ZFP57: variants seen among roughly 807,000 people sequenced by gnomAD.
ZFP57 encodes the protein zinc finger protein 57 homolog.
A neutral mutation model predicts 15.8 loss-of-function variants in ZFP57; 12 were observed. That is an observed-to-expected ratio of 0.76 (90% CI 0.49 to 1.23). The LOEUF (loss-of-function observed/expected upper bound fraction) is 1.23, where lower values mean the gene tolerates loss of function less well. Among genes scored for constraint, ZFP57 ranks in the 50% most tolerant of loss-of-function variants. The pLI is 0.00. For synonymous variants in ZFP57, 203 were observed against 242.3 expected, an observed-to-expected ratio of 0.84 and a Z score of 1.51; for missense variants, 536 against 654.9, an observed-to-expected ratio of 0.82 and a Z score of 1.98.
At position 29,672,696 on chromosome 6, in the gene ZFP57, T is replaced by C; in HGVS notation, c.1415A>G (p.His472Arg). ...GCCCAGGATCACCCGGCATTTATGG[T>C]GGCTGCTCTGGCACAGGTCCTTGCC... ...YKGKDLCQSS[H>R]HKCRVILGQW... The change falls in exon 5 of 5, where the codon CAC (histidine) becomes CGC (arginine). Residue 472 changes from histidine (H) to arginine (R), a missense_variant. Physicochemically the swap from His to Arg is conservative, Grantham distance 29 (BLOSUM62 0). Transcript: ENST00000376883. 1.2e-6 allele frequency: 2 copies of C among 1,612,740 alleles called. No homozygotes were observed. Among genetic ancestry groups the C allele is most frequent in the Non-Finnish European group, 1.7e-6 (2 of 1,179,794 alleles).
chr6:29,675,701 T>G (rs1215629635), intron 3 of ZFP57, among the ~76,000 whole-genome samples: 1 of 152,164 alleles, frequency 6.6e-6, no homozygotes, highest in Non-Finnish European at 1.5e-5. Flanking sequence ...ATGGAAAAAT[T>G]TGCATATTTT....
rs373052417 is a variant in ZFP57, at chr6:29,675,465, T to C, written c.273A>G (p.Pro91=). 1.2e-6 allele frequency: 2 copies of C among 1,614,046 alleles called. No individual in the cohort carries two copies. Among genetic ancestry groups the C allele is most frequent in the African/African-American group, 1.3e-5 (1 of 74,918 alleles). ...CTTGCTCAAGCTTGGTGATTAGCTC[T>C]GGCTTATGCAGAAAGATTCTGGCTG... ...TSVARIFLHK[P]ELITKLEQEE... Residue 91 remains proline (P), a synonymous_variant, in exon 4 of 5, where the codon CCA becomes CCG. Coordinates refer to ENST00000376883, the MANE Select transcript of ZFP57 (RefSeq NM_001109809.5).
chr6:29,678,565 G>A (rs1772184617), intron 1 of ZFP57, among the ~76,000 whole-genome samples: 1 of 151,940 alleles, frequency 6.6e-6, no homozygotes, highest in African/African-American at 2.4e-5. Context: ...CATATGCTGA[G>A]GTTGCTAAGA....
intron 3 of ZFP57, 134 bp downstream of exon 3, chr6:29,675,799 G>A (rs1772036265): frequency 8.8e-7 from 1 of 1,142,644 alleles, no homozygotes; most frequent in Non-Finnish European, 1.3e-6. Context: ...TAGTGACTCA[G>A]ATCTTTCACA....
Position 29,673,661 on chromosome 6 carries a change from C to A in ZFP57, c.450G>T (p.Gln150His). 1 of 1,612,848 alleles carries A rather than the reference C, an allele frequency of 6.2e-7. No homozygotes were observed. Among genetic ancestry groups the A allele is most frequent in the Non-Finnish European group, 8.5e-7 (1 of 1,179,892 alleles). The stretch of plus-strand genomic sequence containing the variant: ...TCCCAGCTGGGGCAGATAGGGGGCA[C>A]TGGCCGGCCCCTCTGCATGCAAGGA... ...KVFLACRGAG[Q>H]CPLSAPAGTM... The change falls in exon 5 of 5, where the codon CAG becomes CAT. Residue 150 changes from glutamine to histidine, a missense_variant. Transcript: ENST00000376883. This position sits in a 1 kb window ranked among gnomAD's most constrained non-coding sequence, Gnocchi z 4.7.
In ZFP57 at chr6:29,676,535, C is replaced by CAAAAAAAAAAAAAAAGA. The variant is rs376004982; in HGVS notation, c.123+345_123+346insTCTTTTTTTTTTTTTTT. On this transcript the variant is annotated intron_variant, in intron 2 of 4. Coordinates refer to ENST00000376883, the MANE Select transcript of ZFP57 (RefSeq NM_001109809.5). ...TGGGTGACAGAGCGAGACTCCGTCTCAAAAAAAAAAAAAAGAAAAAAAAAA... is the reference window on the plus strand; with the variant it reads ...TGGGTGACAGAGCGAGACTCCGTCTCAAAAAAAAAAAAAAAGAAAAAAAAAAAAAAAGAAAAAAAAAA... 5.6e-4 allele frequency among the ~76,000 whole-genome samples: 35 copies of CAAAAAAAAAAAAAAAGA among 62,548 alleles called. 1 individual carries two copies. Among genetic ancestry groups the CAAAAAAAAAAAAAAAGA allele is most frequent in the Non-Finnish European group, 9.2e-4 (29 of 31,430 alleles). The allele number at this position is 62,548 out of a possible 152,430, so 41.0% of individuals were successfully genotyped here.
chr6:29,677,755 A>G (rs116211033), intron 1 of ZFP57, among the ~76,000 whole-genome samples: 7,554 of 137,208 alleles, frequency 0.055, 326 homozygotes, highest in East Asian at 0.17. Context: ...GATCTCTTCC[A>G]TGACCAAAAT....
chr6:29,672,858 C>G lies in ZFP57; in HGVS notation c.1253G>C (p.Ser418Thr). The part of the protein sequence containing the change: ...TEPPNYCFHC[S>T]KSFSSFSRLV... ...CCTGGAAAATGAGCTGAAAGACTTG[C>G]TGCAATGGAAGCAGTAGTTGGGCGG... Residue 418 changes from serine (S) to threonine (T), a missense_variant, in exon 5 of 5, where the codon AGC becomes ACC. Transcript: ENST00000376883. The G allele has an allele frequency of 6.2e-7, 1 of 1,613,054 alleles. No individual in the cohort carries two copies.
At chr6:29,676,550 G>C (rs9257947) in intron 2 of ZFP57, among the ~76,000 whole-genome samples, 1 of 119,646 alleles carries the variant, frequency 8.4e-6, no homozygotes, top group Non-Finnish European at 1.7e-5. Flanking sequence ...AAAAAAAAAA[G>C]AAAAAAAAAA....
At position 29,672,828 on chromosome 6, in the gene ZFP57, A is replaced by G. The variant is rs1415060975; in HGVS notation, c.1283T>C (p.Val428Ala). The G allele has an allele frequency of 1.7e-5, 27 of 1,612,942 alleles. No homozygotes were observed. Among genetic ancestry groups the G allele is most frequent in the Non-Finnish European group, 2.3e-5 (27 of 1,180,038 alleles). ...CTTCCAGTGGGTCTGCTGGTGTCTGACCAGCCTGGAAAATGAGCTGAAAGA... is the reference window on the plus strand; with the variant it reads ...CTTCCAGTGGGTCTGCTGGTGTCTGGCCAGCCTGGAAAATGAGCTGAAAGA... ...SKSFSSFSRL[V>A]RHQQTHWKQK... is the part of the protein sequence containing the mutation. Residue 428 changes from valine to alanine, a missense_variant, in exon 5 of 5, where the codon GTC (valine) becomes GCC (alanine). By Grantham distance (64) the Val-to-Ala change is moderately conservative. Transcript: ENST00000376883.
In ZFP57 at chr6:29,675,419, A is replaced by G. The variant is rs777872562; in HGVS notation, c.319T>C (p.Phe107Leu). 6.2e-7 allele frequency: 1 copy of G among 1,613,776 alleles called. No homozygotes were observed. Among genetic ancestry groups the G allele is most frequent in the African/African-American group, 1.3e-5 (1 of 74,894 alleles). ...LEQEEEQWREFVHLPNTEGLS... is the reference protein window; with the variant it reads ...LEQEEEQWRELVHLPNTEGLS... ...CCTTCTGTGTTTGGGAGATGGACAA[A>G]CTCTCTCCACTGTTCCTCTTCTTGC... The change falls in exon 4 of 5, where the codon TTT becomes CTT. Residue 107 changes from phenylalanine to leucine, a missense_variant. Transcript: ENST00000376883.
At chr6:29,676,499 G>A (rs561752911) in intron 2 of ZFP57, among the ~76,000 whole-genome samples, 3 of 133,304 alleles carry the variant, frequency 2.3e-5, no homozygotes, top group Non-Finnish European at 3.0e-5. Context: ...TCGCGCCACC[G>A]CACTCCAGCC....
rs11357168 is a variant in ZFP57 at position 29,675,151 on chromosome 6, C to CA, written c.352+234dup. ...CTGGCAACAGAGCGAGACTGTGTCT[C>CA]AAAAAAAAAAAAAAAAAAAAAAAGA... On this transcript the variant is annotated intron_variant, in intron 4 of 4. Transcript: ENST00000376883. 0.17 allele frequency among the ~76,000 whole-genome samples: 14,031 copies of CA among 81,926 alleles called. 1,458 individuals are homozygous for CA. Among genetic ancestry groups the CA allele is most frequent in the East Asian group, 0.24 (561 of 2,372 alleles). The allele number at this position is 81,926 out of a possible 152,430, so 53.7% of individuals were successfully genotyped here. A position where few individuals can be genotyped will look rare whatever the true frequency, so the allele number is the denominator to read the frequency against.
intron 2 of ZFP57, 137 bp from the exon 3 acceptor site, chr6:29,676,196 G>C (rs1772064661): frequency 4.1e-6 from 4 of 977,206 alleles, no homozygotes; most frequent in Non-Finnish European, 6.0e-6. Context: ...ATGGAAGGAA[G>C]AGAGAAATAT....
Position 29,677,019 on chromosome 6 carries a change from G to T in ZFP57, c.-16C>A. On this transcript the variant is annotated 5_prime_UTR_variant, in exon 2 of 5. Coordinates refer to ENST00000376883, the MANE Select transcript of ZFP57 (RefSeq NM_001109809.5). ...GTTCAAACATCTTCTCTTCTGTGGT[G>T]TCTCTTTCTAGCTTTATCCACTCCT... 1 of 1,614,080 alleles carries T rather than the reference G, an allele frequency of 6.2e-7. No homozygotes were observed. The highest frequency in any genetic ancestry group is 8.5e-7 in the Non-Finnish European group (1 of 1,180,040).
chr6:29,679,920 C>T lies in ZFP57; in HGVS notation c.-364+1142G>A, dbSNP rs914022754. Among the ~76,000 whole-genome samples, 41 of 150,488 alleles carry T rather than the reference C, an allele frequency of 2.7e-4. 1 individual carries two copies. The highest frequency in any genetic ancestry group is 1.5e-4 in the Non-Finnish European group (10 of 67,572). ...AAACAAACAAACAAACAAAAAAAAA[C>T]GCCTTAGTAACAGTGCCCTCAAGAA... On this transcript the variant is annotated intron_variant, in intron 1 of 4. Transcript: ENST00000376883.
chr6:29,672,981 T>A lies in ZFP57; in HGVS notation c.1130A>T (p.Lys377Met). The A allele has an allele frequency of 6.2e-7, 1 of 1,613,092 alleles. No individual in the cohort carries two copies. Among genetic ancestry groups the A allele is most frequent in the Non-Finnish European group, 8.5e-7 (1 of 1,180,038 alleles). ...ACAGAAGACATTGAGTCTTGAGGGC[T>A]TCACTGGATGAGAGTTGGATCTGGC... ...QDARSNSHPV[K>M]PSRLNVFCCP... The change falls in exon 5 of 5, where the codon AAG becomes ATG. Residue 377 changes from lysine to methionine, a missense_variant. Lys to Met is a moderately conservative substitution (Grantham distance 95). Transcript: ENST00000376883.
chr6:29,676,461 G>A (rs389743), intron 2 of ZFP57, among the ~76,000 whole-genome samples: 3 of 151,160 alleles, frequency 2.0e-5, no homozygotes, highest in East Asian at 2.0e-4. Flanking sequence ...GCTTGAGCCC[G>A]GGAGGCAGAG....
Position 29,672,951 on chromosome 6 carries a change from G to A in ZFP57, c.1160C>T (p.Pro387Leu). ...KPSRLNVFCC[P>L]HCSLTFSKKS... The stretch of plus-strand genomic sequence containing the variant: ...CTTGCTAAAAGTCAAAGAACAATGG[G>A]GGCAACAGAAGACATTGAGTCTTGA... Residue 387 changes from proline (P) to leucine (L), a missense_variant, in exon 5 of 5, where the codon CCC becomes CTC. Transcript: ENST00000376883. 5 of 1,613,038 alleles carry A rather than the reference G, an allele frequency of 3.1e-6. No individual in the cohort carries two copies. Among genetic ancestry groups the A allele is most frequent in the Non-Finnish European group, 4.2e-6 (5 of 1,180,020 alleles).
Sources: allele counts gnomAD v4.1 joint callset (sites outside exome capture counted in the v4.1 genomes callset), GRCh38; gene constraint gnomAD v4.1.1; non-coding constraint Gnocchi (gnomAD v3.1); transcripts MANE v1.5; gene names NCBI Gene and HGNC (gene_info 2026-07-23, HGNC 2026-07-21).